Variants in ASTN2 observed in about 807,000 individuals in gnomAD.
The protein encoded by ASTN2 is astrotactin 2.
In ASTN2, 54 loss-of-function variants were observed where a neutral mutation model predicts 139.8. That is an observed-to-expected ratio of 0.39 (90% confidence interval 0.31 to 0.48). The LOEUF (loss-of-function observed/expected upper bound fraction) is 0.48. ASTN2 is among the 20% of genes least tolerant of loss of function. ASTN2 has a pLI of 0.95. For synonymous variants in ASTN2, 756 were observed against 719.5 expected, an observed-to-expected ratio of 1.05 and a Z score of -0.81; for missense variants, 1,565 against 1,725.1, an observed-to-expected ratio of 0.91 and a Z score of 1.64.
chr9:117,157,237 C>G (rs1355605056), intron 3 of ASTN2, among the ~76,000 whole-genome samples: 1 of 151,898 alleles, frequency 6.6e-6, no homozygotes, highest in Admixed American at 6.6e-5. Context: ...ATCCCCTAAG[C>G]TGTATTTGAA....
At chr9:116,547,866 A>G (rs1282552068) in intron 19 of ASTN2, among the ~76,000 whole-genome samples, 1 of 151,974 alleles carries the variant, frequency 6.6e-6, no homozygotes, top group Non-Finnish European at 1.5e-5. Flanking sequence ...TCTGTGTCCC[A>G]TTCCCTCCCC....
chr9:116,537,620 T>G (rs925633672), intron 19 of ASTN2, among the ~76,000 whole-genome samples: 5 of 152,212 alleles, frequency 3.3e-5, no homozygotes, highest in Admixed American at 2.0e-4. Context: ...CCAGAAAACC[T>G]AAGAGTATCT....
At chr9:116,520,148 T>A (rs1850807072) in intron 19 of ASTN2, among the ~76,000 whole-genome samples, 1 of 152,138 alleles carries the variant, frequency 6.6e-6, no homozygotes, top group Non-Finnish European at 1.5e-5. Context: ...CGTAACATTC[T>A]ATGACACCAG....
chr9:117,152,775 T>G (rs775769337), intron 3 of ASTN2, among the ~76,000 whole-genome samples: 7 of 152,174 alleles, frequency 4.6e-5, no homozygotes, highest in Non-Finnish European at 8.8e-5. Context: ...AAGTTTCACT[T>G]CTTCCCTAAG....
intron 4 of ASTN2, among the ~76,000 whole-genome samples, chr9:117,140,872 A>C (rs1205016717): frequency 1.3e-5 from 2 of 152,112 alleles, no homozygotes; most frequent in Non-Finnish European, 2.9e-5. Context: ...AGTTGAATTA[A>C]TTCTATCTAA....
At chr9:117,263,988 G>A (rs768399696) in intron 2 of ASTN2, among the ~76,000 whole-genome samples, 9 of 151,596 alleles carry the variant, frequency 5.9e-5, no homozygotes, top group African/African-American at 1.7e-4. Context: ...GCAACGCAGC[G>A]AAATCCCATC....
intron 10 of ASTN2, among the ~76,000 whole-genome samples, chr9:116,888,800 AC>A (rs1187274177): frequency 1.3e-5 from 2 of 151,990 alleles, no homozygotes; most frequent in African/African-American, 4.8e-5. Context: ...TCAACCCATC[AC>A]CTAGGTATTA....
At position 116,512,429 on chromosome 9, in the gene ASTN2, G is replaced by A. The variant is rs113954010; in HGVS notation, c.3356-24929C>T. Among the ~76,000 whole-genome samples the A allele has an allele frequency of 2.0e-4, 31 of 152,274 alleles. No individual in the cohort carries two copies. In the South Asian group the frequency reaches 4.1e-3, roughly 20 times the overall value. On this transcript the variant is annotated intron_variant, in intron 19 of 22. Transcript: ENST00000313400. ...GGAATGCTTTACTTCCAACTATGTG[G>A]TCAATTTTGGAATAAGTGCGATGTG...
At chr9:116,948,782 G>A (rs1835469878) in intron 10 of ASTN2, among the ~76,000 whole-genome samples, 1 of 66,184 alleles carries the variant, frequency 1.5e-5, no homozygotes, top group African/African-American at 7.4e-5. Flanking sequence ...GAAATAATTT[G>A]GTGTTTTTTT....
chr9:117,204,108 G>C (rs1471231821), intron 3 of ASTN2, among the ~76,000 whole-genome samples: 6 of 152,224 alleles, frequency 3.9e-5, no homozygotes, highest in African/African-American at 9.6e-5. Context: ...GATGGGTCAG[G>C]GTTACACCTG....
chr9:116,586,663 C>A (rs12341354), intron 19 of ASTN2, among the ~76,000 whole-genome samples: 23 of 151,774 alleles, frequency 1.5e-4, no homozygotes, highest in African/African-American at 4.6e-4. Context: ...GGGAGAGATC[C>A]GGCTCAAAAA....
intron 13 of ASTN2, among the ~76,000 whole-genome samples, chr9:116,735,444 A>G (rs1030352340): frequency 6.6e-6 from 1 of 152,106 alleles, no homozygotes. Context: ...CTGGTGATAG[A>G]TTTTTCCCTG....
At chr9:116,463,732 C>A (rs1478157486) in intron 20 of ASTN2, among the ~76,000 whole-genome samples, 12 of 152,080 alleles carry the variant, frequency 7.9e-5, no homozygotes, top group Admixed American at 6.6e-4. Context: ...ATTATAGTTA[C>A]ATTGTGTTTC....
chr9:117,394,993 G>C (rs930082782), intron 1 of ASTN2, among the ~76,000 whole-genome samples: 3 of 152,176 alleles, frequency 2.0e-5, no homozygotes, highest in Non-Finnish European at 4.4e-5. Flanking sequence ...AACGAGGAAA[G>C]AGCATGGGGG....
intron 22 of ASTN2, among the ~76,000 whole-genome samples, chr9:116,439,885 A>T (rs977864041): frequency 6.6e-6 from 1 of 152,178 alleles, no homozygotes; most frequent in Non-Finnish European, 1.5e-5. Flanking sequence ...ATGCAACAAG[A>T]AGCTATGTAT....
At chr9:117,389,090 T>C (rs1010103613) in intron 1 of ASTN2, among the ~76,000 whole-genome samples, 30 of 152,334 alleles carry the variant, frequency 2.0e-4, no homozygotes, top group African/African-American at 6.7e-4. Context: ...TCATTTGCAA[T>C]ATACCCTGCT....
chr9:117,321,527 A>T (rs941269635), intron 1 of ASTN2, among the ~76,000 whole-genome samples: 1 of 152,202 alleles, frequency 6.6e-6, no homozygotes, highest in Non-Finnish European at 1.5e-5. Flanking sequence ...CTCCTAGTAA[A>T]AAATTCAGAG....
chr9:116,531,409 C>A (rs1453988228), intron 19 of ASTN2, among the ~76,000 whole-genome samples: 1 of 152,184 alleles, frequency 6.6e-6, no homozygotes, highest in South Asian at 2.1e-4. Flanking sequence ...GGTACATATG[C>A]ACAACGTGCA....
chr9:117,268,795 T>C (rs1833994346), intron 2 of ASTN2, among the ~76,000 whole-genome samples: 1 of 152,196 alleles, frequency 6.6e-6, no homozygotes, highest in Admixed American at 6.5e-5. Context: ...GTAATGTCTC[T>C]GGGGCCCCAG....
Sources: allele counts gnomAD v4.1 joint callset (sites outside exome capture counted in the v4.1 genomes callset), GRCh38; gene constraint gnomAD v4.1.1; transcripts MANE v1.5; gene names NCBI Gene and HGNC (gene_info 2026-07-23, HGNC 2026-07-21).